The following PRMT7 variants were observed in gnomAD, a reference collection of about 807,000 sequenced individuals.
The protein encoded by PRMT7 is protein arginine methyltransferase 7.
PRMT7 carries 75 observed loss-of-function variants against 85.4 expected under a neutral mutation model. That is an observed-to-expected ratio of 0.88 (90% CI 0.73 to 1.06). The LOEUF (loss-of-function observed/expected upper bound fraction) is 1.06. Ranked by LOEUF, PRMT7 falls within the 50% of genes least tolerant of loss-of-function variation. PRMT7 has a pLI of 0.00. For synonymous variants in PRMT7, 397 were observed against 359.5 expected, an observed-to-expected ratio of 1.10 and a Z score of -1.18; for missense variants, 868 against 915.2, an observed-to-expected ratio of 0.95 and a Z score of 0.67.
intron 2 of PRMT7, among the ~76,000 whole-genome samples, chr16:68,314,087 T>A (rs1426114541): frequency 6.6e-6 from 1 of 152,232 alleles, no homozygotes; most frequent in Non-Finnish European, 1.5e-5. Context: ...TTACTGGGGT[T>A]ATCAGAAAGT....
chr16:68,355,789 A>C lies in PRMT7; in HGVS notation c.1717A>C (p.Ser573Arg). Residue 573 changes from serine (S) to arginine (R), a missense_variant, in exon 17 of 19, where the codon AGC becomes CGC. Coordinates refer to ENST00000441236, the MANE Select transcript of PRMT7 (RefSeq NM_019023.5). ...CCCGCTGTGGGAGTACCCATGCCGC[A>C]GCCTCTCCGAGCCCTGGCAGATCCT... ...PHPLWEYPCR[S>R]LSEPWQILTF... 1.9e-6 allele frequency: 3 copies of C among 1,611,602 alleles called. No homozygotes were observed. Among genetic ancestry groups the C allele is most frequent in the Non-Finnish European group, 2.5e-6 (3 of 1,179,210 alleles).
rs367813491 is a variant in PRMT7 at position 68,357,143 on chromosome 16, G to A, written c.1998G>A (p.Arg666=). ...CCAGAGCACTGCTGGGTGGCCCACG[G>A]ACTGTCAGCTATGCAGTGGAGTTTC... ...PDPRALLGGP[R]TVSYAVEFHP... Residue 666 remains arginine, a synonymous_variant, in exon 19 of 19, where the codon CGG becomes CGA. Transcript: ENST00000441236. The A allele has an allele frequency of 6.2e-7, 1 of 1,614,032 alleles. No homozygotes were observed. The highest frequency in any genetic ancestry group is 8.5e-7 in the Non-Finnish European group (1 of 1,180,024).
intron 17 of PRMT7, 53 bp downstream of exon 17, chr16:68,355,936 G>C (rs1372035062): frequency 6.7e-7 from 1 of 1,484,290 alleles, no homozygotes. Flanking sequence ...TGCCCTTGGA[G>C]TTCTCACCCC....
At chr16:68,354,288 G>T (rs1326587420) in intron 16 of PRMT7, 2 of 152,318 alleles carry the variant, frequency 1.3e-5, no homozygotes, top group African/African-American at 4.8e-5. Flanking sequence ...GCTGAGGTGG[G>T]AGGATGGCTT....
intron 5 of PRMT7, among the ~76,000 whole-genome samples, chr16:68,327,537 G>A (rs544835013): frequency 6.6e-6 from 1 of 152,218 alleles, no homozygotes; most frequent in South Asian, 2.1e-4. Flanking sequence ...TTGGTTGTTG[G>A]GGGAATGGGG....
chr16:68,334,008 C>G (rs112360248), intron 6 of PRMT7, among the ~76,000 whole-genome samples: 3 of 152,116 alleles, frequency 2.0e-5, no homozygotes, highest in Non-Finnish European at 4.4e-5. Flanking sequence ...TGACCTCAAG[C>G]GATCTGCCTG....
intron 4 of PRMT7, chr16:68,323,748 AAATTTT>A (rs761908612): frequency 6.6e-6 from 1 of 152,208 alleles, no homozygotes; most frequent in Non-Finnish European, 1.5e-5. Flanking sequence ...AAATTACCTT[AAATTTT>A]AATAGCCTCT....
At chr16:68,317,996 A>G (rs1212457185) in intron 3 of PRMT7, among the ~76,000 whole-genome samples, 1 of 152,100 alleles carries the variant, frequency 6.6e-6, no homozygotes, top group African/African-American at 2.4e-5. Flanking sequence ...AAATGCAGGA[A>G]GAGGAACATG....
At chr16:68,339,164 G>T (rs1294538747) in intron 7 of PRMT7, among the ~76,000 whole-genome samples, 158 bp from the exon 8 acceptor site, 1 of 152,146 alleles carries the variant, frequency 6.6e-6, no homozygotes, top group Non-Finnish European at 1.5e-5. Context: ...TTTTCCAAGG[G>T]CATAGGGCTG....
In PRMT7 at chr16:68,357,162, G is replaced by C; in HGVS notation, c.2017G>C (p.Glu673Gln). The C allele has an allele frequency of 6.2e-7, 1 of 1,614,026 alleles. No individual in the cohort carries two copies. The highest frequency in any genetic ancestry group is 8.5e-7 in the Non-Finnish European group (1 of 1,180,028). ...GGPRTVSYAV[E>Q]FHPDTGDIIM... ...CCCACGGACTGTCAGCTATGCAGTG[G>C]AGTTTCACCCCGACACAGGCGACAT... The change falls in exon 19 of 19, where the codon GAG (glutamate) becomes CAG (glutamine). Residue 673 changes from glutamate to glutamine, a missense_variant. By Grantham distance (29) the Glu-to-Gln change is conservative. Coordinates refer to ENST00000441236, the MANE Select transcript of PRMT7 (RefSeq NM_019023.5).
chr16:68,322,628 T>C (rs920280953), intron 4 of PRMT7, among the ~76,000 whole-genome samples: 5 of 152,196 alleles, frequency 3.3e-5, no homozygotes, highest in Admixed American at 1.3e-4. Context: ...TCTTCAAAAC[T>C]GGGTCATTAA....
At chr16:68,315,763 T>C in intron 2 of PRMT7, 134 bp from the exon 3 acceptor site, 1 of 553,548 alleles carries the variant, frequency 1.8e-6, no homozygotes, top group Non-Finnish European at 3.2e-6. Flanking sequence ...TTTGACATTT[T>C]TGTCAGTTTC....
rs768884535 is a variant in PRMT7, at chr16:68,357,089, C to T, written c.1944C>T (p.Ala648=). 3.6e-5 allele frequency: 58 copies of T among 1,612,586 alleles called. No homozygotes were observed. The highest frequency in any genetic ancestry group is 9.9e-5 in the South Asian group (9 of 90,944). The change falls in exon 19 of 19, where the codon GCC becomes GCT. Residue 648 remains alanine (A), a synonymous_variant. Transcript: ENST00000441236. ...GCTGGAACCCCCACTGCAAGCAGGCCGTCTACTTCTTCAGCCCTGCCCCAG... is the reference window on the plus strand; with the variant it reads ...GCTGGAACCCCCACTGCAAGCAGGCTGTCTACTTCTTCAGCCCTGCCCCAG... ...GCCWNPHCKQ[A]VYFFSPAPDP...
At chr16:68,329,625 G>A (rs1157278965) in intron 6 of PRMT7, 1 of 155,398 alleles carries the variant, frequency 6.4e-6, no homozygotes, top group Non-Finnish European at 1.4e-5. Flanking sequence ...CTGGAGTGCA[G>A]TGGCGCTATC....
intron 6 of PRMT7, among the ~76,000 whole-genome samples, chr16:68,330,871 A>G (rs959531931): frequency 1.3e-5 from 2 of 152,234 alleles, no homozygotes; most frequent in Non-Finnish European, 1.5e-5. Flanking sequence ...CTGGGATTAC[A>G]GGTGTGAGCC....
chr16:68,356,748 C>A lies in PRMT7; in HGVS notation c.1859C>A (p.Thr620Asn). ...GTGCTATGGATGGAGTACCACCTGA[C>A]CCCGGAGTGCACGCTCAGCACTGGC... ...AAVLWMEYHL[T>N]PECTLSTGLL... Residue 620 changes from threonine to asparagine, a missense_variant, in exon 18 of 19, where the codon ACC becomes AAC. Thr to Asn is a moderately conservative substitution (Grantham distance 65, BLOSUM62 0). Transcript: ENST00000441236. 1.2e-6 allele frequency: 2 copies of A among 1,611,396 alleles called. No individual in the cohort carries two copies.
intron 7 of PRMT7, 106 bp downstream of exon 7, chr16:68,337,677 A>G: frequency 1.7e-6 from 1 of 589,924 alleles, no homozygotes; most frequent in Non-Finnish European, 2.7e-6. Flanking sequence ...AGCACCTCTG[A>G]TACACCTGGG....
chr16:68,338,811 A>G (rs955584434), intron 7 of PRMT7, among the ~76,000 whole-genome samples: 14 of 152,284 alleles, frequency 9.2e-5, no homozygotes, highest in Non-Finnish European at 8.8e-5. Context: ...TGCCTGGTGC[A>G]TGGAGGACGT....
chr16:68,335,482 G>T (rs1272484636), intron 6 of PRMT7, among the ~76,000 whole-genome samples: 1 of 152,156 alleles, frequency 6.6e-6, no homozygotes, highest in Non-Finnish European at 1.5e-5. Flanking sequence ...AGGATGGGCA[G>T]GGCTTCTCGG....
Sources: allele counts gnomAD v4.1 joint callset (sites outside exome capture counted in the v4.1 genomes callset), GRCh38; gene constraint gnomAD v4.1.1; transcripts MANE v1.5; gene names NCBI Gene and HGNC (gene_info 2026-07-23, HGNC 2026-07-21).